TOPAZ1: variants seen among roughly 807,000 people sequenced by gnomAD.
TOPAZ1 encodes the protein testis and ovary specific TOPAZ 1.
A neutral mutation model predicts 172.2 loss-of-function variants in TOPAZ1; 66 were observed. The ratio of observed to expected loss-of-function variants is 0.38; its 90% CI spans 0.31 to 0.47. TOPAZ1 has a LOEUF of 0.47. TOPAZ1 is among the 20% of genes least tolerant of loss of function. The probability of loss-of-function intolerance (pLI) is 0.99; values close to 1 mark genes in which losing one functional copy is unlikely to be tolerated. For missense variants in TOPAZ1, 1,822 were observed against 1,972.4 expected, an observed-to-expected ratio of 0.92 and a Z score of 1.44; for synonymous variants, 681 against 683.9, an observed-to-expected ratio of 1.00 and a Z score of 0.07.
At chr3:44,328,813 C>T (rs914922087) in intron 19 of TOPAZ1, among the ~76,000 whole-genome samples, 6 of 152,112 alleles carry the variant, frequency 3.9e-5, no homozygotes, top group South Asian at 2.1e-4. Flanking sequence ...AAGGGAAATA[C>T]GTGATCAGCC....
intron 3 of TOPAZ1, among the ~76,000 whole-genome samples, chr3:44,255,642 ACT>A (rs2125680067): frequency 9.4e-6 from 1 of 106,548 alleles, no homozygotes; most frequent in Admixed American, 1.1e-4. Context: ...ACAGTGCGAG[ACT>A]CTGTCTCAAA....
At chr3:44,290,967 A>G (rs1245388780) in intron 12 of TOPAZ1, 81 bp downstream of exon 12, 1 of 849,362 alleles carries the variant, frequency 1.2e-6, no homozygotes, top group Non-Finnish European at 1.8e-6. Flanking sequence ...AAGCTCTAAT[A>G]ACTGTTTGTA....
chr3:44,258,434 C>T (rs1699739274), intron 4 of TOPAZ1, among the ~76,000 whole-genome samples: 1 of 152,188 alleles, frequency 6.6e-6, no homozygotes, highest in Non-Finnish European at 1.5e-5. Flanking sequence ...TTTGATAGTG[C>T]ACACCTACTT....
At chr3:44,319,236 C>G (rs1310716775) in intron 16 of TOPAZ1, among the ~76,000 whole-genome samples, 1 of 151,960 alleles carries the variant, frequency 6.6e-6, no homozygotes, top group Non-Finnish European at 1.5e-5. Flanking sequence ...GATGGCAACA[C>G]AGAAAAAAAC....
Position 44,287,749 on chromosome 3 carries a change from T to G in TOPAZ1, c.3591T>G (p.Pro1197=), listed in dbSNP as rs943472143. The stretch of plus-strand genomic sequence containing the variant: ...TGTAATTTTTTTGTTTTATCCAGCC[T>G]TCTCTGAAAATATTACTAAACATAT... ...VNLSIMVKML[P]SLKILLNIFE... Residue 1197 remains proline (P), a splice_region_variant and synonymous_variant, in exon 11 of 20, where the codon CCT becomes CCG. Coordinates refer to ENST00000309765, the MANE Select transcript of TOPAZ1 (RefSeq NM_001145030.2). 2 of 1,458,180 alleles carry G rather than the reference T, an allele frequency of 1.4e-6. No homozygotes were observed. The highest frequency in any genetic ancestry group is 9.2e-7 in the Non-Finnish European group (1 of 1,084,376). The allele number at this position is 1,458,180 out of a possible 1,614,324, so 90.3% of individuals were successfully genotyped here.
intron 15 of TOPAZ1, among the ~76,000 whole-genome samples, chr3:44,308,263 G>A (rs2125700719): frequency 6.6e-6 from 1 of 151,360 alleles, no homozygotes; most frequent in South Asian, 2.1e-4. Context: ...ATCTCTTAAT[G>A]CCATCCCTCC....
At chr3:44,308,163 C>T (rs1156390986) in intron 15 of TOPAZ1, among the ~76,000 whole-genome samples, 1 of 152,026 alleles carries the variant, frequency 6.6e-6, no homozygotes, top group Non-Finnish European at 1.5e-5. Flanking sequence ...GAGGCTGAGG[C>T]AGGAGAATTG....
At position 44,269,471 on chromosome 3, in the gene TOPAZ1, C is replaced by CTTTTTTTTTTTTTTTTTTTTTTTT. The variant is rs71085612; in HGVS notation, c.3246+178_3246+201dup. ...CCTTTTGATTGTATTTCCCTATCATCTTTTTTTTTTTTTTTTTTTTTTTTT... is the reference window on the plus strand; with the variant it reads ...CCTTTTGATTGTATTTCCCTATCATCTTTTTTTTTTTTTTTTTTTTTTTTTTTTTTTTTTTTTTTTTTTTTTTTT... On this transcript the variant is annotated intron_variant, in intron 7 of 19. Transcript: ENST00000309765. Among the ~76,000 whole-genome samples the CTTTTTTTTTTTTTTTTTTTTTTTT allele has an allele frequency of 1.0e-3, 34 of 33,934 alleles. 3 individuals carry two copies. The highest frequency in any genetic ancestry group is 2.9e-3 in the African/African-American group (18 of 6,122). The allele number at this position is 33,934 out of a possible 152,430, so 22.3% of individuals were successfully genotyped here. A position where few individuals can be genotyped will look rare whatever the true frequency, so the allele number is the denominator to read the frequency against.
chr3:44,314,867 C>G (rs189376123), intron 16 of TOPAZ1, among the ~76,000 whole-genome samples: 14 of 152,254 alleles, frequency 9.2e-5, no homozygotes, highest in Middle Eastern at 3.4e-3. Flanking sequence ...GTTGATTCTG[C>G]CGATCTGGGG....
chr3:44,306,196 A>G (rs542918551), intron 14 of TOPAZ1, 130 bp from the exon 15 acceptor site: 115 of 560,904 alleles, frequency 2.1e-4, no homozygotes, highest in Non-Finnish European at 3.4e-4. Context: ...CTCCTAGGCT[A>G]TACAAAAACG....
chr3:44,264,903 A>G (rs758307014), intron 5 of TOPAZ1, among the ~76,000 whole-genome samples: 7 of 152,222 alleles, frequency 4.6e-5, no homozygotes, highest in Non-Finnish European at 1.0e-4. Context: ...GCAGCAATTC[A>G]GTTACAACTT....
chr3:44,243,734 C>T lies in TOPAZ1; in HGVS notation c.1228C>T (p.His410Tyr), dbSNP rs754617147. Residue 410 changes from histidine to tyrosine, a missense_variant, in exon 2 of 20, where the codon CAT (histidine) becomes TAT (tyrosine). Coordinates refer to ENST00000309765, the MANE Select transcript of TOPAZ1 (RefSeq NM_001145030.2). ...ETVEKETSSE[H>Y]HVNAVFQKTI... ...AGTAGAAAAAGAAACAAGTTCTGAA[C>T]ATCATGTAAATGCTGTGTTTCAGAA... 9.0e-6 allele frequency: 14 copies of T among 1,551,364 alleles called. No individual in the cohort carries two copies. Among genetic ancestry groups the T allele is most frequent in the Non-Finnish European group, 1.1e-5 (13 of 1,146,954 alleles).
Position 44,287,736 on chromosome 3 carries a change from GT to G in TOPAZ1, c.3589-7del. On this transcript the variant is annotated splice_polypyrimidine_tract_variant and intron_variant, in intron 10 of 19. Coordinates refer to ENST00000309765, the MANE Select transcript of TOPAZ1 (RefSeq NM_001145030.2). ...ATCTGAAAATGAGTGTAATTTTTTT[GT>G]TTTATCCAGCCTTCTCTGAAAATAT... 7.2e-7 allele frequency: 1 copy of G among 1,383,594 alleles called. No individual in the cohort carries two copies. Among genetic ancestry groups the G allele is most frequent in the Non-Finnish European group, 9.8e-7 (1 of 1,025,536 alleles). 85.7% of individuals were successfully genotyped at this position (1,383,594 alleles called of 1,614,324 possible).
intron 16 of TOPAZ1, among the ~76,000 whole-genome samples, chr3:44,315,738 T>C (rs1700444779): frequency 6.6e-6 from 1 of 152,096 alleles, no homozygotes; most frequent in Non-Finnish European, 1.5e-5. Flanking sequence ...CCATCTTTAG[T>C]CTTTGATTGA....
chr3:44,265,424 G>A (rs1467201184), intron 5 of TOPAZ1, among the ~76,000 whole-genome samples: 1 of 152,162 alleles, frequency 6.6e-6, no homozygotes, highest in African/African-American at 2.4e-5. Flanking sequence ...AGGCGTGGTG[G>A]CGGGCACTTG....
At chr3:44,269,508 G>A (rs112831345) in intron 7 of TOPAZ1, among the ~76,000 whole-genome samples, 1,361 of 40,238 alleles carry the variant, frequency 0.034, 18 homozygotes, top group African/African-American at 0.12. Context: ...TTTTTGAGAC[G>A]GAGTCTTGCT....
chr3:44,285,979 C>G (rs1034759670), intron 9 of TOPAZ1, among the ~76,000 whole-genome samples: 3 of 151,416 alleles, frequency 2.0e-5, no homozygotes, highest in Non-Finnish European at 4.4e-5. Context: ...GAGGCCAAGG[C>G]GGGCAGATCA....
chr3:44,300,824 C>G (rs1700263976), intron 12 of TOPAZ1, among the ~76,000 whole-genome samples: 1 of 147,936 alleles, frequency 6.8e-6, no homozygotes, highest in African/African-American at 2.5e-5. Flanking sequence ...ATGTTCTTAG[C>G]AGCTTTAATT....
intron 11 of TOPAZ1, 45 bp from the exon 12 acceptor site, chr3:44,290,726 T>C: frequency 7.9e-7 from 1 of 1,268,644 alleles, no homozygotes; most frequent in Admixed American, 2.4e-5. Flanking sequence ...CTCAATTCTG[T>C]CACATTTTTG....
Sources: gnomAD v4.1 joint callset for allele counts (sites outside exome capture counted in the v4.1 genomes callset) on GRCh38, gnomAD v4.1.1 for gene constraint, MANE v1.5 for transcripts, NCBI Gene and HGNC (gene_info 2026-07-23, HGNC 2026-07-21) for gene names.